The following GPC6 variants were observed in gnomAD, a reference collection of about 807,000 sequenced individuals.
The protein encoded by GPC6 is glypican 6.
In GPC6, 14 loss-of-function variants were observed where a neutral mutation model predicts 55.2. That is an observed-to-expected ratio of 0.25 (90% confidence interval 0.17 to 0.40). GPC6 has a LOEUF of 0.40. GPC6 is among the 10% of genes least tolerant of loss of function. The pLI is 1.00. For synonymous variants in GPC6, 278 were observed against 259.6 expected, an observed-to-expected ratio of 1.07 and a Z score of -0.68; for missense variants, 641 against 708.5, an observed-to-expected ratio of 0.90 and a Z score of 1.08.
intron 6 of GPC6, among the ~76,000 whole-genome samples, chr13:94,338,666 T>G (rs973993325): frequency 3.3e-5 from 5 of 152,186 alleles, no homozygotes; most frequent in African/African-American, 1.2e-4. Context: ...ATATATTCAT[T>G]CATTTAATCC....
intron 2 of GPC6, among the ~76,000 whole-genome samples, chr13:93,617,825 G>A (rs1211259872): frequency 2.0e-5 from 3 of 151,952 alleles, no homozygotes; most frequent in African/African-American, 7.3e-5. Flanking sequence ...TATAACACAT[G>A]CCTTAATAAT....
chr13:93,676,906 GC>G (rs1279692195), intron 2 of GPC6, among the ~76,000 whole-genome samples: 1 of 152,000 alleles, frequency 6.6e-6, no homozygotes, highest in Non-Finnish European at 1.5e-5. Context: ...TAGAGATGAA[GC>G]GAGGTACTGT....
intron 2 of GPC6, among the ~76,000 whole-genome samples, chr13:93,683,272 C>A (rs540909708): frequency 3.0e-4 from 45 of 151,720 alleles, no homozygotes; most frequent in African/African-American, 1.0e-3. Context: ...AATACAATAT[C>A]TTTTTTTGGT....
intron 1 of GPC6, among the ~76,000 whole-genome samples, chr13:93,508,110 A>C (rs993788806): frequency 3.3e-5 from 5 of 152,226 alleles, no homozygotes; most frequent in African/African-American, 1.2e-4. Flanking sequence ...ATCTGGCAAC[A>C]AATATTATAA....
chr13:94,123,373 A>T (rs1051125283), intron 4 of GPC6, among the ~76,000 whole-genome samples: 1 of 152,078 alleles, frequency 6.6e-6, no homozygotes, highest in Non-Finnish European at 1.5e-5. Context: ...TTCCCCAAAA[A>T]ATGTTTAACT....
At chr13:94,361,495 A>C (rs1357370890) in intron 6 of GPC6, among the ~76,000 whole-genome samples, 1 of 152,222 alleles carries the variant, frequency 6.6e-6, no homozygotes, top group East Asian at 1.9e-4. Flanking sequence ...TTCTTTATAC[A>C]CAGTAGGTTT....
chr13:93,870,998 A>G (rs558583796), intron 3 of GPC6, among the ~76,000 whole-genome samples: 1 of 152,064 alleles, frequency 6.6e-6, no homozygotes, highest in South Asian at 2.1e-4. Context: ...CCTAAGTGAA[A>G]GCAGGACAGT....
At chr13:93,808,097 C>G in intron 2 of GPC6, among the ~76,000 whole-genome samples, 1 of 152,006 alleles carries the variant, frequency 6.6e-6, no homozygotes, top group East Asian at 1.9e-4. Flanking sequence ...ACAAAGGAGG[C>G]CAAATAATTT....
intron 1 of GPC6, among the ~76,000 whole-genome samples, chr13:93,258,967 A>C (rs1877045016): frequency 6.6e-6 from 1 of 152,050 alleles, no homozygotes; most frequent in African/African-American, 2.4e-5. Context: ...GAACAATAAC[A>C]AAAACAACAA....
At chr13:93,679,371 C>T (rs899714890) in intron 2 of GPC6, among the ~76,000 whole-genome samples, 13 of 152,090 alleles carry the variant, frequency 8.5e-5, no homozygotes, top group East Asian at 3.9e-4. Context: ...CTGATTTATA[C>T]GCACCTGAAT....
At chr13:93,776,193 T>C (rs1429921466) in intron 2 of GPC6, among the ~76,000 whole-genome samples, 1 of 152,152 alleles carries the variant, frequency 6.6e-6, no homozygotes, top group African/African-American at 2.4e-5. Flanking sequence ...TGTTGTACTT[T>C]ACAAATATAG....
chr13:94,275,835 C>A (rs934907707), intron 4 of GPC6, among the ~76,000 whole-genome samples: 4 of 152,052 alleles, frequency 2.6e-5, no homozygotes, highest in African/African-American at 9.7e-5. Flanking sequence ...GATGTCCAAC[C>A]TTCCCTATAA....
At chr13:93,727,086 G>C (rs1018975875) in intron 2 of GPC6, among the ~76,000 whole-genome samples, 1 of 152,104 alleles carries the variant, frequency 6.6e-6, no homozygotes, top group African/African-American at 2.4e-5. Flanking sequence ...AATATTTACT[G>C]ACACAGTGAC....
chr13:93,924,809 G>A (rs1877769205), intron 3 of GPC6, among the ~76,000 whole-genome samples: 1 of 149,292 alleles, frequency 6.7e-6, no homozygotes, highest in South Asian at 2.1e-4. Context: ...AAGTTATGAT[G>A]TCTAGGTTGT....
intron 1 of GPC6, among the ~76,000 whole-genome samples, chr13:93,464,936 G>A (rs1355803542): frequency 4.6e-5 from 7 of 152,170 alleles, no homozygotes; most frequent in African/African-American, 1.7e-4. Flanking sequence ...TGTGTTAGCA[G>A]GAATCAAAAC....
chr13:94,286,172 C>T (rs1389728824), intron 4 of GPC6, among the ~76,000 whole-genome samples, 177 bp from the exon 5 acceptor site: 1 of 152,176 alleles, frequency 6.6e-6, no homozygotes, highest in Non-Finnish European at 1.5e-5. Flanking sequence ...AATCTTCAAA[C>T]AAAATACAAT....
chr13:93,529,942 T>C (rs1048374584), intron 1 of GPC6, among the ~76,000 whole-genome samples: 1 of 152,134 alleles, frequency 6.6e-6, no homozygotes, highest in African/African-American at 2.4e-5. Flanking sequence ...AATAAATAAA[T>C]GAAGAAAGTG....
intron 2 of GPC6, among the ~76,000 whole-genome samples, chr13:93,655,948 C>A (rs1399267673): frequency 6.6e-6 from 1 of 152,058 alleles, no homozygotes; most frequent in African/African-American, 2.4e-5. Flanking sequence ...TGAATTTATT[C>A]TTTTGATAAA....
chr13:94,371,665 T>A (rs746586189), intron 6 of GPC6, among the ~76,000 whole-genome samples: 2 of 152,166 alleles, frequency 1.3e-5, no homozygotes, highest in Non-Finnish European at 2.9e-5. Context: ...AGTTGCCATG[T>A]GCCCTGACAA....
Sources: allele counts gnomAD v4.1 joint callset (sites outside exome capture counted in the v4.1 genomes callset), GRCh38; gene constraint gnomAD v4.1.1; transcripts MANE v1.5; gene names NCBI Gene and HGNC (gene_info 2026-07-23, HGNC 2026-07-21).